PUDP: variants seen among roughly 807,000 people sequenced by gnomAD.
PUDP encodes the protein pseudouridine 5'-phosphatase, also known as pseudouridine-5'-phosphatase.
PUDP carries 8 observed loss-of-function variants against 9.4 expected under a neutral mutation model. That is an observed-to-expected ratio of 0.85 (90% CI 0.50 to 1.53). PUDP has a LOEUF of 1.53. PUDP is among the 40% of genes most tolerant of loss of function. The probability of loss-of-function intolerance (pLI) is 0.00; values close to 1 mark genes in which losing one functional copy is unlikely to be tolerated. For synonymous variants in PUDP, 99 were observed against 80.7 expected (o/e 1.23, Z -1.22); for missense variants, 188 against 189.7 (o/e 0.99, Z 0.05).
chrX:6,928,855 G>A (rs1223400312), intron 3 of PUDP, among the ~76,000 whole-genome samples: 2 of 111,363 alleles, frequency 1.8e-5, no homozygotes, highest in Admixed American at 9.6e-5. Flanking sequence ...CCCAGATCGT[G>A]CCACCACTGC....
At chrX:6,818,076 T>C (rs979619082) in intron 3 of PUDP, among the ~76,000 whole-genome samples, 1 of 111,774 alleles carries the variant, frequency 8.9e-6, no homozygotes, top group African/African-American at 3.3e-5. Flanking sequence ...ATATTCTATA[T>C]GAAGTCTCAT....
At chrX:6,731,567 C>T (rs1924807964) in intron 3 of PUDP, among the ~76,000 whole-genome samples, 1 of 111,540 alleles carries the variant, frequency 9.0e-6, no homozygotes, top group Non-Finnish European at 1.9e-5. Context: ...ATGTATATGC[C>T]CTTTCAAATA....
At chrX:7,024,748 G>A (rs1362173806) in intron 1 of PUDP, among the ~76,000 whole-genome samples, 4 of 38,431 alleles carry the variant, frequency 1.0e-4, no homozygotes, top group Admixed American at 4.3e-4. Context: ...CACCTCGCCC[G>A]GCTAACTTTT....
chrX:6,808,882 A>G (rs1926094183), intron 3 of PUDP, among the ~76,000 whole-genome samples: 2 of 112,493 alleles, frequency 1.8e-5, no homozygotes, highest in Admixed American at 9.4e-5. Context: ...ATTCTCAAAG[A>G]GGAAACGGTT....
upstream of PUDP, among the ~76,000 whole-genome samples, chrX:6,725,868 G>T (rs906196661): frequency 2.7e-5 from 3 of 111,689 alleles, no homozygotes; most frequent in African/African-American, 9.8e-5. Flanking sequence ...AGTTCCCAAA[G>T]AACTAAAAAT....
chrX:7,094,611 C>T (rs1329038369), intron 2 of PUDP, among the ~76,000 whole-genome samples: 1 of 110,881 alleles, frequency 9.0e-6, no homozygotes, highest in Non-Finnish European at 1.9e-5. Flanking sequence ...CCGCCCGTCT[C>T]GACCTCCCAA....
rs1569120420 is a variant in PUDP at position 6,903,954 on chromosome X, T to TA, written c.*247+73178_*247+73179insT. On this transcript the variant is annotated intron_variant and NMD_transcript_variant, in intron 3 of 3. Coordinates refer to the PUDP transcript ENST00000655425. ...CCAAGTTTAAAAAATATATATATAT[T>TA]TATTTTTTTTTTTTTGAGATGGAGT... Among the ~76,000 whole-genome samples the TA allele has an allele frequency of 1.4e-4, 14 of 98,862 alleles. No individual in the cohort carries two copies. The East Asian group carries it at 1.6e-3, about 12-fold the overall frequency. 85.8% of individuals were successfully genotyped at this position (98,862 alleles called of 115,157 possible). A position where few individuals can be genotyped will look rare whatever the true frequency, so the allele number is the denominator to read the frequency against.
intron 3 of PUDP, among the ~76,000 whole-genome samples, chrX:7,051,293 T>C (rs1930094042): frequency 8.9e-6 from 1 of 111,765 alleles, no homozygotes; most frequent in Admixed American, 9.5e-5. Flanking sequence ...AACTCAGGAA[T>C]GGAAATCCAA....
At chrX:6,953,117 GTGTC>G (rs1236420564) in intron 3 of PUDP, among the ~76,000 whole-genome samples, 1 of 111,722 alleles carries the variant, frequency 9.0e-6, no homozygotes, top group Non-Finnish European at 1.9e-5. Context: ...GGTAAAGACA[GTGTC>G]TGTGAAGTTT....
intron 1 of PUDP, among the ~76,000 whole-genome samples, chrX:7,129,271 G>A (rs1006010303): frequency 4.5e-5 from 5 of 112,267 alleles, no homozygotes; most frequent in African/African-American, 1.6e-4. Context: ...CATACTGGCT[G>A]CACTATATAG....
At chrX:6,788,894 C>G (rs1312819440) in intron 3 of PUDP, among the ~76,000 whole-genome samples, 2 of 112,009 alleles carry the variant, frequency 1.8e-5, no homozygotes, top group African/African-American at 6.5e-5. Context: ...AGGGTATAGT[C>G]TCGACAAACG....
In PUDP at chrX:6,740,887, G is replaced by A. The variant is rs187358722; in HGVS notation, c.*248-34421C>T. 8.1e-3 allele frequency among the ~76,000 whole-genome samples: 910 copies of A among 111,959 alleles called. 28 individuals are homozygous for A. Among genetic ancestry groups the A allele is most frequent in the Admixed American group, 0.07 (742 of 10,567 alleles). ...TAAAAACTTGGCAGAGGCCAGGTGC[G>A]GTGGCTCACGCCTGTAATCCCAGCA... is the stretch of plus-strand genomic sequence containing the variant. On this transcript the variant is annotated intron_variant and NMD_transcript_variant, in intron 3 of 3. Transcript: ENST00000655425.
intron 3 of PUDP, among the ~76,000 whole-genome samples, chrX:6,876,477 C>T (rs938831858): frequency 9.1e-6 from 1 of 110,070 alleles, no homozygotes; most frequent in African/African-American, 3.3e-5. Context: ...TATATACACA[C>T]ATATACATAT....
rs571834400 is a variant in PUDP, at chrX:6,822,175, C to T, written c.*248-115709G>A. Reference sequence around the variant, plus strand: ...ACCGCGTCCTAGTTTTCCATGGCCACGGGACAACAAACCTCAGGTTTTACC... The same window carrying T: ...ACCGCGTCCTAGTTTTCCATGGCCATGGGACAACAAACCTCAGGTTTTACC... On this transcript the variant is annotated intron_variant and NMD_transcript_variant, in intron 3 of 3. Coordinates refer to the PUDP transcript ENST00000655425. 2.1e-4 allele frequency among the ~76,000 whole-genome samples: 23 copies of T among 111,611 alleles called. No individual in the cohort carries two copies. In the South Asian group the frequency reaches 3.8e-3, roughly 19 times the overall value.
intron 3 of PUDP, among the ~76,000 whole-genome samples, chrX:6,813,589 A>G (rs965129485): frequency 1.8e-5 from 2 of 111,478 alleles, no homozygotes; most frequent in African/African-American, 3.3e-5. Context: ...ATTGGAAAAC[A>G]GAAAAATGGA....
intron 3 of PUDP, among the ~76,000 whole-genome samples, chrX:6,933,575 C>T (rs759178403): frequency 2.0e-4 from 22 of 111,684 alleles, no homozygotes; most frequent in South Asian, 3.8e-4. Flanking sequence ...AAAAGCAGAG[C>T]GCCTCTCCTC....
rs1381146570 is a variant in PUDP at position 6,783,282 on chromosome X, C to A, written c.*248-76816G>T. 3.6e-5 allele frequency among the ~76,000 whole-genome samples: 4 copies of A among 111,623 alleles called. No homozygotes were observed. The Admixed American group carries it at 3.8e-4, about 11-fold the overall frequency. The stretch of plus-strand genomic sequence containing the variant: ...GTAGCAGAGCACTTTTCCCCATGAT[C>A]TTTTTTTTATTTTATGTATAAACAA... On this transcript the variant is annotated intron_variant and NMD_transcript_variant, in intron 3 of 3. Transcript: ENST00000655425.
chrX:6,812,024 G>A (rs1414603675), intron 3 of PUDP, among the ~76,000 whole-genome samples: 2 of 112,632 alleles, frequency 1.8e-5, no homozygotes, highest in Non-Finnish European at 3.7e-5. Flanking sequence ...AAGGCAGCAT[G>A]AGACATCAAC....
At chrX:6,971,027 G>C (rs992451636) in intron 3 of PUDP, among the ~76,000 whole-genome samples, 2 of 110,268 alleles carry the variant, frequency 1.8e-5, no homozygotes, top group Admixed American at 1.9e-4. Flanking sequence ...CTCCAGCCTG[G>C]GTGATAGAGC....
Sources: gnomAD v4.1 joint callset for allele counts (sites outside exome capture counted in the v4.1 genomes callset) on GRCh38, gnomAD v4.1.1 for gene constraint, MANE v1.5 for transcripts, NCBI Gene and HGNC (gene_info 2026-07-23, HGNC 2026-07-21) for gene names.